The following ATP13A4 variants were observed in gnomAD, a reference collection of about 807,000 sequenced individuals.
The protein encoded by ATP13A4 is ATPase 13A4.
In ATP13A4, 114 loss-of-function variants were observed where a neutral mutation model predicts 142.5. That is an observed-to-expected ratio of 0.80 (90% CI 0.69 to 0.93). The LOEUF (loss-of-function observed/expected upper bound fraction) is 0.93, where lower values mean the gene tolerates loss of function less well. Ranked by LOEUF, ATP13A4 falls within the 40% of genes least tolerant of loss-of-function variation. The pLI is 0.00. For synonymous variants in ATP13A4, 488 were observed against 514.8 expected, an observed-to-expected ratio of 0.95 and a Z score of 0.70; for missense variants, 1,392 against 1,454.0, an observed-to-expected ratio of 0.96 and a Z score of 0.69.
intron 13 of ATP13A4, among the ~76,000 whole-genome samples, chr3:193,459,903 A>C (rs190986781): frequency 1.1e-3 from 163 of 152,348 alleles, no homozygotes; most frequent in Non-Finnish European, 1.9e-3. Context: ...TCCTTCACTA[A>C]TTCAGAGTGG....
At position 193,424,795 on chromosome 3, in the gene ATP13A4, T is replaced by C. The variant is rs542756616; in HGVS notation, c.2842+9050A>G. Reference sequence around the variant, plus strand: ...TTTTTTTGCTAAAACCCTAAAAGCATAGGCAACAAAAGCAAAAATAGACAA... The same window carrying C: ...TTTTTTTGCTAAAACCCTAAAAGCACAGGCAACAAAAGCAAAAATAGACAA... On this transcript the variant is annotated intron_variant, in intron 25 of 29. Coordinates refer to ENST00000342695, the MANE Select transcript of ATP13A4 (RefSeq NM_032279.4). Among the ~76,000 whole-genome samples the C allele has an allele frequency of 8.0e-5, 12 of 149,472 alleles. 2 individuals are homozygous for C. Among genetic ancestry groups the C allele is most frequent in the Non-Finnish European group, 1.8e-4 (12 of 67,478 alleles).
intron 8 of ATP13A4, among the ~76,000 whole-genome samples, chr3:193,480,937 C>A (rs1179305315): frequency 6.6e-6 from 1 of 152,114 alleles, no homozygotes; most frequent in Non-Finnish European, 1.5e-5. Context: ...ACATGGAATA[C>A]CATACAGACA....
intron 16 of ATP13A4, among the ~76,000 whole-genome samples, chr3:193,456,221 C>G (rs1717601886): frequency 6.6e-6 from 1 of 152,120 alleles, no homozygotes; most frequent in South Asian, 2.1e-4. Flanking sequence ...AAGTTCTGCT[C>G]TAAGGATTTC....
intron 8 of ATP13A4, among the ~76,000 whole-genome samples, chr3:193,472,206 T>C (rs774525945): frequency 4.6e-5 from 7 of 152,340 alleles, no homozygotes; most frequent in Middle Eastern, 3.4e-3. Context: ...AAACATTAAG[T>C]GGACAATCCC....
At chr3:193,474,709 GGAAA>G (rs1718853189) in intron 8 of ATP13A4, among the ~76,000 whole-genome samples, 1 of 120,594 alleles carries the variant, frequency 8.3e-6, no homozygotes, top group Non-Finnish European at 1.7e-5. Context: ...AAGGAAGGAA[GGAAA>G]GAGAGAGAGA....
At chr3:193,521,596 T>C (rs1721719216) in intron 1 of ATP13A4, among the ~76,000 whole-genome samples, 1 of 152,178 alleles carries the variant, frequency 6.6e-6, no homozygotes, top group Non-Finnish European at 1.5e-5. Context: ...TGTACGCTAC[T>C]CTAGATACGG....
intron 23 of ATP13A4, among the ~76,000 whole-genome samples, chr3:193,436,507 G>T (rs1313530456): frequency 1.3e-5 from 2 of 151,782 alleles, no homozygotes; most frequent in African/African-American, 2.4e-5. Context: ...GAGTGCAGTG[G>T]CATGATGTCA....
intron 2 of ATP13A4, among the ~76,000 whole-genome samples, chr3:193,561,008 T>C (rs1263891054): frequency 6.6e-6 from 1 of 152,206 alleles, no homozygotes; most frequent in Admixed American, 6.5e-5. Flanking sequence ...ACCTCGGGCC[T>C]GAGGCAGCGT....
At chr3:193,438,765 A>G (rs1716451674) in intron 22 of ATP13A4, among the ~76,000 whole-genome samples, 181 bp from the exon 23 acceptor site, 1 of 152,212 alleles carries the variant, frequency 6.6e-6, no homozygotes, top group African/African-American at 2.4e-5. Flanking sequence ...AGCCAAAGAA[A>G]TGAGAACTCC....
At chr3:193,577,702 G>A (rs975807446) in intron 2 of ATP13A4, among the ~76,000 whole-genome samples, 5 of 152,212 alleles carry the variant, frequency 3.3e-5, no homozygotes, top group Non-Finnish European at 7.3e-5. Context: ...GGCACCAGGA[G>A]GGTGAGTGCA....
intron 2 of ATP13A4, among the ~76,000 whole-genome samples, chr3:193,569,431 C>T (rs1401472563): frequency 6.6e-6 from 1 of 152,146 alleles, no homozygotes. Flanking sequence ...GGATAAAAAG[C>T]ATCAGATAAA....
chr3:193,452,036 C>T (rs939345478), intron 17 of ATP13A4, among the ~76,000 whole-genome samples: 5 of 152,172 alleles, frequency 3.3e-5, no homozygotes, highest in Non-Finnish European at 7.4e-5. Flanking sequence ...CTCTCCTGCG[C>T]GCCACAGCCC....
intron 23 of ATP13A4, among the ~76,000 whole-genome samples, chr3:193,436,528 AC>A (rs1180467448): frequency 2.6e-5 from 4 of 151,794 alleles, no homozygotes; most frequent in Non-Finnish European, 1.5e-5. Flanking sequence ...GCTCACTGCA[AC>A]CTCTGCCTAC....
At chr3:193,495,850 C>G (rs553542810) in intron 3 of ATP13A4, among the ~76,000 whole-genome samples, 1 of 152,044 alleles carries the variant, frequency 6.6e-6, no homozygotes, top group South Asian at 2.1e-4. Context: ...CTAAAAAAAA[C>G]TAATAAACAA....
upstream of ATP13A4, among the ~76,000 whole-genome samples, chr3:193,557,811 G>C (rs1723935027): frequency 6.6e-6 from 1 of 152,354 alleles, no homozygotes; most frequent in East Asian, 1.9e-4. Context: ...GCCTTGGAAA[G>C]AGCCAAAAAT....
intron 16 of ATP13A4, among the ~76,000 whole-genome samples, chr3:193,454,612 TG>T (rs1210073881): frequency 1.3e-5 from 2 of 152,152 alleles, no homozygotes; most frequent in African/African-American, 2.4e-5. Flanking sequence ...AAAATAAGCA[TG>T]GGGAAAGGCT....
At position 193,495,569 on chromosome 3, in the gene ATP13A4, T is replaced by A. The variant is rs1041873449; in HGVS notation, c.382-2409A>T. Among the ~76,000 whole-genome samples the A allele has an allele frequency of 2.0e-5, 3 of 152,000 alleles. No individual in the cohort carries two copies. The South Asian group carries it at 6.2e-4, about 31-fold the overall frequency. On this transcript the variant is annotated intron_variant, in intron 3 of 29. Transcript: ENST00000342695. ...TGTTAAAAACTCAACAAAATAGATA[T>A]AGAAGGAACACATCTCAACACAATA...
chr3:193,484,913 A>G (rs1178686607), intron 7 of ATP13A4, among the ~76,000 whole-genome samples: 1 of 152,222 alleles, frequency 6.6e-6, no homozygotes, highest in African/African-American at 2.4e-5. Flanking sequence ...TGGATCATTT[A>G]TAGCAAAGGG....
chr3:193,573,290 C>CTTATATATAGATGTATAT (rs1279066051), intron 2 of ATP13A4, among the ~76,000 whole-genome samples: 1 of 109,994 alleles, frequency 9.1e-6, no homozygotes, highest in African/African-American at 4.4e-5. Context: ...TATATATATA[C>CTTATATATAGATGTATAT]ACATATATAT....
Sources: allele counts gnomAD v4.1 joint callset (sites outside exome capture counted in the v4.1 genomes callset), GRCh38; gene constraint gnomAD v4.1.1; transcripts MANE v1.5; gene names NCBI Gene and HGNC (gene_info 2026-07-23, HGNC 2026-07-21).